B3GALNT1: variants seen among roughly 807,000 people sequenced by gnomAD.
B3GALNT1 encodes the protein beta-1,3-N-acetylgalactosaminyltransferase 1 (Globoside blood group).
A neutral mutation model predicts 27.3 loss-of-function variants in B3GALNT1; 17 were observed. That is an observed-to-expected ratio of 0.62 (90% confidence interval 0.43 to 0.94). The LOEUF is 0.94. B3GALNT1 is among the 40% of genes least tolerant of loss of function. B3GALNT1 has a pLI of 0.00. For synonymous variants in B3GALNT1, 141 were observed against 144.0 expected, an observed-to-expected ratio of 0.98 and a Z score of 0.15; for missense variants, 347 against 390.0, an observed-to-expected ratio of 0.89 and a Z score of 0.93.
At chr3:161,093,891 A>C (rs1211898383) in intron 4 of B3GALNT1, among the ~76,000 whole-genome samples, 4 of 152,180 alleles carry the variant, frequency 2.6e-5, no homozygotes, top group African/African-American at 9.6e-5. Flanking sequence ...GAATTTGCCA[A>C]CTATAAGCAA....
intron 4 of B3GALNT1, among the ~76,000 whole-genome samples, chr3:161,095,623 T>A (rs532776231): frequency 2.0e-5 from 3 of 151,100 alleles, no homozygotes; most frequent in African/African-American, 7.3e-5. Flanking sequence ...TAAGGAAGAG[T>A]GGATTGCCTT....
At chr3:161,098,302 C>T (rs1576740216) in intron 4 of B3GALNT1, among the ~76,000 whole-genome samples, 1 of 152,302 alleles carries the variant, frequency 6.6e-6, no homozygotes, top group East Asian at 1.9e-4. Context: ...AGTCTGTAGC[C>T]ACTGCACTAC....
Position 161,086,256 on chromosome 3 carries a change from T to C in B3GALNT1, c.499A>G (p.Thr167Ala), listed in dbSNP as rs760609416. Residue 167 changes from threonine to alanine, a missense_variant, in exon 5 of 5, where the codon ACT (threonine) becomes GCT (alanine). Physicochemically the swap from Thr to Ala is moderately conservative, Grantham distance 58. Coordinates refer to ENST00000320474, the MANE Select transcript of B3GALNT1 (RefSeq NM_003781.4). ...LKTIMAFRWV[T>A]EFCPNAKYVM... ...TACTTGGCATTGGGGCAAAACTCAG[T>C]TACCCACCTGAATGCCATAATGGTT... The C allele has an allele frequency of 4.3e-5, 69 of 1,614,072 alleles. No individual in the cohort carries two copies. The highest frequency in any genetic ancestry group is 5.2e-5 in the Non-Finnish European group (61 of 1,180,040).
At chr3:161,092,829 C>CA (rs1726010114) in intron 4 of B3GALNT1, among the ~76,000 whole-genome samples, 1 of 134,302 alleles carries the variant, frequency 7.4e-6, no homozygotes, top group South Asian at 2.4e-4. Context: ...TGCAGTGGTG[C>CA]AATCTCGGCT....
Position 161,086,678 on chromosome 3 carries a change from G to C in B3GALNT1, c.77C>G (p.Ser26Ter). ...CCACATCACAAAGAAACTCAGGAGTGACAGCAGCAGGAGGCTCCATTTGAG... is the reference window on the plus strand; with the variant it reads ...CCACATCACAAAGAAACTCAGGAGTCACAGCAGCAGGAGGCTCCATTTGAG... ...RSLKWSLLLL[S>*]LLSFFVMWYL... The change falls in exon 5 of 5, where the codon TCA becomes TGA. Residue 26 changes from serine to a stop codon, truncating the protein, a stop_gained. Coordinates refer to ENST00000320474, the MANE Select transcript of B3GALNT1 (RefSeq NM_003781.4). LOFTEE classifies it high-confidence loss of function. The C allele has an allele frequency of 6.2e-7, 1 of 1,614,194 alleles. No homozygotes were observed. Among genetic ancestry groups the C allele is most frequent in the Non-Finnish European group, 8.5e-7 (1 of 1,180,044 alleles).
At chr3:161,096,828 T>C (rs1039333354) in intron 4 of B3GALNT1, among the ~76,000 whole-genome samples, 14 of 152,206 alleles carry the variant, frequency 9.2e-5, no homozygotes, top group African/African-American at 3.1e-4. Context: ...TGCGGCACAT[T>C]ATAATCTCCT....
intron 3 of B3GALNT1, among the ~76,000 whole-genome samples, chr3:161,101,587 C>T (rs1731308443): frequency 6.6e-6 from 1 of 152,122 alleles, no homozygotes; most frequent in African/African-American, 2.4e-5. Context: ...TGGTGGAAGA[C>T]TCACAACGAC....
intron 4 of B3GALNT1, among the ~76,000 whole-genome samples, chr3:161,087,484 G>GT (rs201764132): frequency 0.017 from 2,611 of 152,194 alleles, 61 homozygotes; most frequent in African/African-American, 0.058. Flanking sequence ...TTACCTCATT[G>GT]GTTAAACTCA....
chr3:161,085,693 T>A lies in B3GALNT1; in HGVS notation c.*66A>T. The A allele has an allele frequency of 6.3e-7, 1 of 1,575,302 alleles. No homozygotes were observed. Among genetic ancestry groups the A allele is most frequent in the Admixed American group, 1.7e-5 (1 of 59,896 alleles). On this transcript the variant is annotated 3_prime_UTR_variant, in exon 5 of 5. Transcript: ENST00000320474. ...TGACCTCCCCATGAATTTTCCACAG[T>A]ACCTACTTTATTTAACACTTTCCAC...
At chr3:161,096,473 G>C (rs1305254616) in intron 4 of B3GALNT1, among the ~76,000 whole-genome samples, 1 of 152,156 alleles carries the variant, frequency 6.6e-6, no homozygotes, top group Non-Finnish European at 1.5e-5. Flanking sequence ...TGCAAAGGGA[G>C]TGGAAATCTT....
At chr3:161,094,145 C>A (rs896563232) in intron 4 of B3GALNT1, among the ~76,000 whole-genome samples, 5 of 152,274 alleles carry the variant, frequency 3.3e-5, no homozygotes, top group African/African-American at 1.2e-4. Context: ...GCTGCTAGAT[C>A]CCAGGGAGTG....
rs568983053 is a variant in B3GALNT1, at chr3:161,095,700, C to T, written c.-35+5439G>A. ...AAGCTGCTAACCCTGGTAGTATAGGCCAGGGAGTGCAGCTGCAAGGCTGGG... is the reference window on the plus strand; with the variant it reads ...AAGCTGCTAACCCTGGTAGTATAGGTCAGGGAGTGCAGCTGCAAGGCTGGG... On this transcript the variant is annotated intron_variant, in intron 4 of 4. Coordinates refer to ENST00000320474, the MANE Select transcript of B3GALNT1 (RefSeq NM_003781.4). Among the ~76,000 whole-genome samples, 4 of 152,284 alleles carry T rather than the reference C, an allele frequency of 2.6e-5. No individual in the cohort carries two copies. In the East Asian group the frequency reaches 7.7e-4, roughly 29 times the overall value.
chr3:161,101,827 G>T (rs1228350139), intron 3 of B3GALNT1, among the ~76,000 whole-genome samples: 1 of 152,170 alleles, frequency 6.6e-6, no homozygotes, highest in Non-Finnish European at 1.5e-5. Context: ...TTTTATCTTA[G>T]AAAGTGCGTA....
intron 3 of B3GALNT1, among the ~76,000 whole-genome samples, chr3:161,101,810 G>A (rs1731437974): frequency 6.6e-6 from 1 of 152,260 alleles, no homozygotes; most frequent in Non-Finnish European, 1.5e-5. Context: ...AAAACTGGAC[G>A]GTAATTTTTT....
chr3:161,096,160 T>C (rs528856783), intron 4 of B3GALNT1, among the ~76,000 whole-genome samples: 2 of 152,258 alleles, frequency 1.3e-5, no homozygotes, highest in Admixed American at 6.5e-5. Flanking sequence ...GCAAATGATT[T>C]GGTAATGTAC....
intron 4 of B3GALNT1, among the ~76,000 whole-genome samples, chr3:161,093,050 C>G (rs1423949295): frequency 1.3e-5 from 2 of 152,034 alleles, no homozygotes; most frequent in Non-Finnish European, 2.9e-5. Flanking sequence ...AGCCACCGCA[C>G]CAGGCCAAAA....
At chr3:161,097,770 CAA>C (rs568084477) in intron 4 of B3GALNT1, among the ~76,000 whole-genome samples, 1 of 152,156 alleles carries the variant, frequency 6.6e-6, no homozygotes, top group East Asian at 1.9e-4. Flanking sequence ...AGGAGAGCTG[CAA>C]AATACAAGAA....
chr3:161,101,834 C>G (rs142537910), intron 3 of B3GALNT1, among the ~76,000 whole-genome samples: 1 of 152,126 alleles, frequency 6.6e-6, no homozygotes, highest in African/African-American at 2.4e-5. Context: ...TTAGAAAGTG[C>G]GTAACTCCAT....
chr3:161,086,572 T>A lies in B3GALNT1; in HGVS notation c.183A>T (p.Gln61His). 6.2e-7 allele frequency: 1 copy of A among 1,614,198 alleles called. No individual in the cohort carries two copies. Among genetic ancestry groups the A allele is most frequent in the Non-Finnish European group, 8.5e-7 (1 of 1,180,024 alleles). The change falls in exon 5 of 5, where the codon CAA (glutamine) becomes CAT (histidine). Residue 61 changes from glutamine to histidine, a missense_variant. Gln to His is a conservative substitution (Grantham distance 24). Transcript: ENST00000320474. ...GCTCTCGAAGTGTGAAGTGAAAGTC[T>A]TGTCTGTAAATCGGCTCATACTCAT... ...YFYEYEPIYR[Q>H]DFHFTLREHS...
Sources: allele counts gnomAD v4.1 joint callset (sites outside exome capture counted in the v4.1 genomes callset), GRCh38; gene constraint gnomAD v4.1.1; transcripts MANE v1.5; gene names NCBI Gene and HGNC (gene_info 2026-07-23, HGNC 2026-07-21).